The following PDSS1 variants were observed in gnomAD, a reference collection of about 807,000 sequenced individuals.
PDSS1 encodes decaprenyl diphosphate synthase subunit 1.
Under a neutral mutation model 57.5 loss-of-function variants are expected in PDSS1, and 43 were observed. The observed-to-expected ratio is 0.75, with a 90% CI of 0.59 to 0.96. PDSS1 has a LOEUF of 0.96. PDSS1 is among the 50% of genes least tolerant of loss of function. The pLI is 0.00. For missense variants in PDSS1, 438 were observed against 527.8 expected (o/e 0.83, Z 1.67); for synonymous variants, 175 against 191.3 (o/e 0.91, Z 0.70).
chr10:26,730,013 C>G (rs997773800), intron 8 of PDSS1, among the ~76,000 whole-genome samples: 1 of 148,468 alleles, frequency 6.7e-6, no homozygotes, highest in African/African-American at 2.5e-5. Context: ...CCCGGGTTCA[C>G]GCCATTCTCC....
chr10:26,734,014 C>G (rs1007248368), intron 8 of PDSS1, among the ~76,000 whole-genome samples: 5 of 152,152 alleles, frequency 3.3e-5, no homozygotes, highest in Non-Finnish European at 7.4e-5. Context: ...TGAGTTCTAA[C>G]CAGGTGCCAG....
At chr10:26,742,120 G>A (rs975367940) in intron 10 of PDSS1, among the ~76,000 whole-genome samples, 5 of 152,058 alleles carry the variant, frequency 3.3e-5, no homozygotes, top group South Asian at 2.1e-4. Flanking sequence ...CAGGTGATCC[G>A]CCCACCTCGG....
intron 5 of PDSS1, among the ~76,000 whole-genome samples, chr10:26,718,387 C>T (rs1396820389): frequency 6.6e-6 from 1 of 152,090 alleles, no homozygotes; most frequent in East Asian, 1.9e-4. Context: ...CCCTACCCTC[C>T]ACTGCTTTTG....
chr10:26,704,928 G>C lies in PDSS1; in HGVS notation c.227+187G>C, dbSNP rs75093586. 6.9e-3 allele frequency among the ~76,000 whole-genome samples: 1,047 copies of C among 152,020 alleles called. 12 individuals are homozygous for C. Among genetic ancestry groups the C allele is most frequent in the African/African-American group, 0.024 (1,011 of 41,412 alleles). Reference sequence around the variant, plus strand: ...GCTGGGATTGCAGACATAAGCACCCGGCCTAAAATTATTAATTATATTGCC... The same window carrying C: ...GCTGGGATTGCAGACATAAGCACCCCGCCTAAAATTATTAATTATATTGCC... On this transcript the variant is annotated intron_variant, in intron 3 of 11. Transcript: ENST00000376215.
In PDSS1 at chr10:26,697,803, C is replaced by A; in HGVS notation, c.92C>A (p.Pro31Gln). Reference sequence around the variant, plus strand: ...CCCGGCTCCCCCGGCCGTGCGGGACCGTTGGGGCCGAGCGCCGCTGCCGAA... The same window carrying A: ...CCCGGCTCCCCCGGCCGTGCGGGACAGTTGGGGCCGAGCGCCGCTGCCGAA... Reference protein sequence around the residue: ...PGPGSPGRAGPLGPSAAAEVR... With the variant: ...PGPGSPGRAGQLGPSAAAEVR... Residue 31 changes from proline (P) to glutamine (Q), a missense_variant, in exon 1 of 12, where the codon CCG (proline) becomes CAG (glutamine). Pro to Gln is a moderately conservative substitution (Grantham distance 76). Transcript: ENST00000376215. 7.4e-7 allele frequency: 1 copy of A among 1,344,796 alleles called. No homozygotes were observed. The highest frequency in any genetic ancestry group is 1.5e-5 in the African/African-American group (1 of 66,492). 83.3% of individuals were successfully genotyped at this position (1,344,796 alleles called of 1,614,324 possible). A position where few individuals can be genotyped will look rare whatever the true frequency, so the allele number is the denominator to read the frequency against.
chr10:26,728,892 C>A (rs1459760510), intron 8 of PDSS1, among the ~76,000 whole-genome samples: 1 of 151,152 alleles, frequency 6.6e-6, no homozygotes, highest in Non-Finnish European at 1.5e-5. Context: ...GATCCTCCCA[C>A]CTCAGCCTCC....
At chr10:26,730,696 C>T (rs557088637) in intron 8 of PDSS1, among the ~76,000 whole-genome samples, 26 of 152,232 alleles carry the variant, frequency 1.7e-4, no homozygotes, top group Admixed American at 1.7e-3. Flanking sequence ...CCCTTTTGCC[C>T]TGTTTTCTTC....
chr10:26,741,501 AC>A (rs201005589), intron 10 of PDSS1, among the ~76,000 whole-genome samples: 10,155 of 151,966 alleles, frequency 0.067, 435 homozygotes, highest in East Asian at 0.19. Flanking sequence ...GGGGGGAAAA[AC>A]AACAAAAAAA....
Position 26,742,477 on chromosome 10 carries a change from T to G in PDSS1, c.1027-20T>G. On this transcript the variant is annotated intron_variant, in intron 10 of 11. Coordinates refer to ENST00000376215, the MANE Select transcript of PDSS1 (RefSeq NM_014317.5). The stretch of plus-strand genomic sequence containing the variant: ...GAGAAATAAATAGATTTTCTCAGAT[T>G]TTCTCTCTTTTTTTGTTAGTTCCCA... 1 of 1,568,442 alleles carries G rather than the reference T, an allele frequency of 6.4e-7. No homozygotes were observed. Among genetic ancestry groups the G allele is most frequent in the Non-Finnish European group, 8.8e-7 (1 of 1,140,436 alleles).
chr10:26,729,843 G>A (rs924291007), intron 8 of PDSS1, among the ~76,000 whole-genome samples: 7 of 151,220 alleles, frequency 4.6e-5, no homozygotes, highest in Non-Finnish European at 7.4e-5. Flanking sequence ...TCATTACCAA[G>A]GTCTGATTTT....
At chr10:26,731,355 A>C (rs1836190054) in intron 8 of PDSS1, among the ~76,000 whole-genome samples, 1 of 152,208 alleles carries the variant, frequency 6.6e-6, no homozygotes, top group Non-Finnish European at 1.5e-5. Context: ...AAATTAATAA[A>C]TAAATAATTT....
intron 10 of PDSS1, chr10:26,740,720 G>A (rs1181098112): frequency 1.3e-5 from 6 of 456,482 alleles, no homozygotes; most frequent in South Asian, 4.6e-5. Flanking sequence ...TACCTCTTCC[G>A]TGGAGCCATA....
intron 11 of PDSS1, among the ~76,000 whole-genome samples, chr10:26,743,204 T>C (rs992635099): frequency 6.6e-6 from 1 of 152,234 alleles, no homozygotes; most frequent in Non-Finnish European, 1.5e-5. Flanking sequence ...TCAGAACTTT[T>C]CTGTGGAAGC....
chr10:26,716,328 G>C (rs118181124), intron 5 of PDSS1, among the ~76,000 whole-genome samples: 1 of 152,184 alleles, frequency 6.6e-6, no homozygotes, highest in Admixed American at 6.5e-5. Flanking sequence ...TGTAAACCTC[G>C]TAAAGGATTC....
intron 4 of PDSS1, among the ~76,000 whole-genome samples, chr10:26,707,075 T>A (rs997263942): frequency 1.6e-4 from 25 of 152,088 alleles, no homozygotes; most frequent in African/African-American, 4.8e-4. Flanking sequence ...TTGCATCCCG[T>A]CTCCCCGGAT....
rs1835359920 is a variant in PDSS1 at position 26,709,722 on chromosome 10, GT to G, written c.422del (p.Val141GlyfsTer3). The G allele has an allele frequency of 1.2e-6, 2 of 1,613,828 alleles. No homozygotes were observed. The highest frequency in any genetic ancestry group is 1.3e-5 in the African/African-American group (1 of 74,896). ...AGGGAAAGCCTTTCGACCAATTATT[GT>G]GGCGCTAATGGCCCGAGCATGCAAT... ...GKGKAFRPII[V>X]ALMARACNIH... On this transcript the variant is annotated frameshift_variant, in exon 5 of 12. Transcript: ENST00000376215. LOFTEE classifies it high-confidence loss of function.
At chr10:26,731,264 C>T (rs1333792777) in intron 8 of PDSS1, among the ~76,000 whole-genome samples, 1 of 152,138 alleles carries the variant, frequency 6.6e-6, no homozygotes, top group Non-Finnish European at 1.5e-5. Flanking sequence ...TAGCTTGAAC[C>T]CGGGAGGTGG....
intron 10 of PDSS1, among the ~76,000 whole-genome samples, chr10:26,741,010 A>G (rs1437831927): frequency 6.6e-6 from 1 of 150,408 alleles, no homozygotes; most frequent in Non-Finnish European, 1.5e-5. Context: ...CTTTTTTATA[A>G]CCTACTCTAG....
intron 10 of PDSS1, among the ~76,000 whole-genome samples, chr10:26,740,100 C>T (rs1213731019): frequency 6.6e-6 from 1 of 150,422 alleles, no homozygotes; most frequent in Non-Finnish European, 1.5e-5. Flanking sequence ...CAAGATCGTG[C>T]CACTGCACTC....
Sources: allele counts gnomAD v4.1 joint callset (sites outside exome capture counted in the v4.1 genomes callset), GRCh38; gene constraint gnomAD v4.1.1; transcripts MANE v1.5; gene names NCBI Gene and HGNC (gene_info 2026-07-23, HGNC 2026-07-21).